CTNNA2: variants seen among roughly 807,000 people sequenced by gnomAD.
CTNNA2 encodes catenin alpha 2.
CTNNA2 carries 42 observed loss-of-function variants against 101.0 expected under a neutral mutation model. That is an observed-to-expected ratio of 0.42 (90% CI 0.32 to 0.54). The LOEUF is 0.54. CTNNA2 is among the 20% of genes least tolerant of loss of function. The pLI is 0.14. For missense variants in CTNNA2, 871 were observed against 1,223.1 expected, an observed-to-expected ratio of 0.71 and a Z score of 4.29; for synonymous variants, 450 against 456.4, an observed-to-expected ratio of 0.99 and a Z score of 0.18.
At chr2:79,383,090 A>T (rs1033213209) in intron 4 of CTNNA2, among the ~76,000 whole-genome samples, 1 of 152,216 alleles carries the variant, frequency 6.6e-6, no homozygotes, top group African/African-American at 2.4e-5. Flanking sequence ...AAAGTTAGAT[A>T]TCCAATATAT....
intron 3 of CTNNA2, among the ~76,000 whole-genome samples, chr2:79,829,763 A>C (rs1467999739): frequency 6.6e-6 from 1 of 151,020 alleles, no homozygotes; most frequent in East Asian, 2.0e-4. Flanking sequence ...TCTGTCGCCC[A>C]GGCTGGAGTG....
At chr2:79,866,718 T>C (rs941937844) in intron 4 of CTNNA2, 3 of 152,232 alleles carry the variant, frequency 2.0e-5, no homozygotes, top group African/African-American at 7.2e-5. Flanking sequence ...TTTTCCCCCA[T>C]GCAGCAAGTT....
chr2:80,277,847 C>A (rs1674045098), intron 7 of CTNNA2, among the ~76,000 whole-genome samples: 1 of 152,076 alleles, frequency 6.6e-6, no homozygotes, highest in Non-Finnish European at 1.5e-5. Context: ...TCCTCAGAGC[C>A]CTGTTCTGCC....
chr2:79,731,769 C>T (rs1687210735), intron 2 of CTNNA2, among the ~76,000 whole-genome samples: 2 of 151,648 alleles, frequency 1.3e-5, no homozygotes, highest in African/African-American at 4.8e-5. Context: ...AAGCATTTGG[C>T]AATAGCCCTT....
At chr2:80,318,188 G>C (rs139585099) in intron 7 of CTNNA2, among the ~76,000 whole-genome samples, 43 of 152,256 alleles carry the variant, frequency 2.8e-4, no homozygotes, top group Non-Finnish European at 6.0e-4. Context: ...TCTTTGAAGA[G>C]TTCACTCACT....
chr2:79,379,839 T>C lies in CTNNA2; in HGVS notation c.-135+5826T>C, dbSNP rs191100450. On this transcript the variant is annotated intron_variant, in intron 4 of 21. Coordinates refer to the CTNNA2 transcript ENST00000466387. ...TTGCCTTTTGCCCTAGTTAACTTTC[T>C]GGAAATGAGAAAAGGAAGAGAGGGT... 4.6e-4 allele frequency among the ~76,000 whole-genome samples: 70 copies of C among 152,198 alleles called. 2 individuals carry two copies. The highest frequency in any genetic ancestry group is 4.1e-3 in the Admixed American group (63 of 15,270).
intron 7 of CTNNA2, among the ~76,000 whole-genome samples, chr2:80,171,866 G>A (rs919082102): frequency 6.6e-6 from 1 of 152,156 alleles, no homozygotes; most frequent in African/African-American, 2.4e-5. Flanking sequence ...GAAAAGTAAG[G>A]CTAGCAGGAG....
At chr2:79,924,566 T>C (rs1291482101) in intron 7 of CTNNA2, among the ~76,000 whole-genome samples, 1 of 152,158 alleles carries the variant, frequency 6.6e-6, no homozygotes, top group East Asian at 1.9e-4. Context: ...TTGCTTTTGT[T>C]TTTAAGCAAG....
At chr2:79,946,351 T>A (rs1224742886) in intron 7 of CTNNA2, among the ~76,000 whole-genome samples, 3 of 152,200 alleles carry the variant, frequency 2.0e-5, no homozygotes, top group Non-Finnish European at 4.4e-5. Context: ...TACTTCACAA[T>A]GATAGAAATA....
intron 7 of CTNNA2, among the ~76,000 whole-genome samples, chr2:80,336,528 C>T (rs1303613207): frequency 2.0e-5 from 3 of 152,102 alleles, no homozygotes; most frequent in African/African-American, 7.2e-5. Context: ...GATTATTATC[C>T]AAAGTTTGAT....
Position 79,909,676 on chromosome 2 carries a change from G to A in CTNNA2, c.935G>A (p.Ser312Asn). 1.2e-6 allele frequency: 2 copies of A among 1,613,718 alleles called. No individual in the cohort carries two copies. Among genetic ancestry groups the A allele is most frequent in the Non-Finnish European group, 1.7e-6 (2 of 1,179,738 alleles). ...SLEERLESII[S>N]GAALMADSSC... ...GAGGAGAGGCTGGAGAGCATCATCA[G>A]CGGCGCAGCGCTGATGGCCGACTCC... Residue 312 changes from serine (S) to asparagine (N), a missense_variant, in exon 7 of 19, where the codon AGC becomes AAC. Transcript: ENST00000402739.
intron 9 of CTNNA2, among the ~76,000 whole-genome samples, chr2:80,459,761 C>G (rs901162314): frequency 7.9e-5 from 12 of 152,122 alleles, no homozygotes; most frequent in Admixed American, 7.9e-4. Context: ...CAAAATCTGT[C>G]TTGGAGATGA....
intron 13 of CTNNA2, 152 bp downstream of exon 13, chr2:80,574,466 C>T (rs1230032462): frequency 2.3e-5 from 20 of 871,544 alleles, no homozygotes; most frequent in Non-Finnish European, 2.9e-5. Flanking sequence ...GAGCTTTATA[C>T]TTATGAAGGG....
At chr2:79,349,903 G>A (rs1350555391) in intron 3 of CTNNA2, among the ~76,000 whole-genome samples, 3 of 151,604 alleles carry the variant, frequency 2.0e-5, no homozygotes, top group African/African-American at 4.8e-5. Flanking sequence ...GTGAAACCCT[G>A]TCTCTACTAA....
intron 6 of CTNNA2, among the ~76,000 whole-genome samples, chr2:79,895,939 A>C (rs1684685681): frequency 6.6e-6 from 1 of 152,088 alleles, no homozygotes; most frequent in African/African-American, 2.4e-5. Flanking sequence ...AGATTCTCAG[A>C]ATTTACCAAC....
chr2:79,736,220 A>G (rs900946100), intron 2 of CTNNA2, among the ~76,000 whole-genome samples: 1 of 152,160 alleles, frequency 6.6e-6, no homozygotes, highest in African/African-American at 2.4e-5. Flanking sequence ...ATATCTTTAA[A>G]TCTCACAAGT....
intron 3 of CTNNA2, among the ~76,000 whole-genome samples, chr2:79,760,169 C>T (rs1288673291): frequency 6.6e-6 from 1 of 151,928 alleles, no homozygotes; most frequent in Non-Finnish European, 1.5e-5. Flanking sequence ...ATAGGCAAGG[C>T]ATGTAAATCA....
At chr2:80,230,647 A>G (rs1333362915) in intron 7 of CTNNA2, among the ~76,000 whole-genome samples, 4 of 152,084 alleles carry the variant, frequency 2.6e-5, no homozygotes, top group African/African-American at 9.7e-5. Flanking sequence ...ACAAGAAGAG[A>G]TGTTTTCACT....
chr2:79,496,525 C>A (rs1671257360), intron 4 of CTNNA2, among the ~76,000 whole-genome samples: 1 of 151,942 alleles, frequency 6.6e-6, no homozygotes, highest in South Asian at 2.1e-4. Flanking sequence ...CTATGTTCTA[C>A]TTCTATTTTT....
Sources: gnomAD v4.1 joint callset for allele counts (sites outside exome capture counted in the v4.1 genomes callset) on GRCh38, gnomAD v4.1.1 for gene constraint, MANE v1.5 for transcripts, NCBI Gene and HGNC (gene_info 2026-07-23, HGNC 2026-07-21) for gene names.